Variants in CATSPER2 observed in about 807,000 individuals in gnomAD.
CATSPER2 encodes cation channel sperm-associated protein 2.
Under a neutral mutation model 68.8 loss-of-function variants are expected in CATSPER2, and 56 were observed. The observed-to-expected ratio is 0.81, with a 90% CI of 0.66 to 1.02. The LOEUF is 1.02. CATSPER2 is among the 50% of genes least tolerant of loss of function. The pLI, the probability that CATSPER2 is intolerant of heterozygous loss-of-function variation, is 0.00. For missense variants in CATSPER2, 582 were observed against 642.0 expected (o/e 0.91, Z 1.01); for synonymous variants, 198 against 229.9 (o/e 0.86, Z 1.26).
chr15:43,632,807 T>C lies in CATSPER2; in HGVS notation c.1306A>G (p.Lys436Glu). 6.2e-7 allele frequency: 1 copy of C among 1,613,762 alleles called. No individual in the cohort carries two copies. Among genetic ancestry groups the C allele is most frequent in the Non-Finnish European group, 8.5e-7 (1 of 1,179,820 alleles). ...GAGGAAGACTGGTACTCTCTCTTTT[T>C]TGACAAGGTCTCTTCTGTTTTTGAT... Reference protein sequence around the residue: ...SASKTEETLSKKREYQSSSCV... With the variant: ...SASKTEETLSEKREYQSSSCV... Residue 436 changes from lysine to glutamate, a missense_variant, in exon 11 of 13, where the codon AAA becomes GAA. Physicochemically the swap from Lys to Glu is moderately conservative, Grantham distance 56 (BLOSUM62 1). Around this residue, in one of 5 missense-constraint regions of CATSPER2, gnomAD observed 235 missense variants for 264.2 expected, o/e 0.89. Transcript: ENST00000396879.
At chr15:43,634,668 C>G (rs2085933266) in intron 10 of CATSPER2, 1 of 152,798 alleles carries the variant, frequency 6.5e-6, no homozygotes, top group Non-Finnish European at 1.5e-5. Flanking sequence ...TATAATCCAC[C>G]TCATCTAGCC....
chr15:43,635,289 T>A, intron 10 of CATSPER2, 71 bp downstream of exon 10: 2 of 1,335,330 alleles, frequency 1.5e-6, no homozygotes, highest in Non-Finnish European at 2.1e-6. Context: ...TCAAAGCCAA[T>A]CTTCATCTTT....
At chr15:43,643,462 G>A (rs1325986641) in intron 4 of CATSPER2, among the ~76,000 whole-genome samples, 2 of 151,210 alleles carry the variant, frequency 1.3e-5, no homozygotes, top group South Asian at 2.1e-4. Context: ...CTCAGCCTCC[G>A]GAGAAACTGG....
At chr15:43,632,653 G>A (rs1567125370) in intron 11 of CATSPER2, 64 bp downstream of exon 11, 3 of 1,609,044 alleles carry the variant, frequency 1.9e-6, no homozygotes, top group Non-Finnish European at 1.7e-6. Flanking sequence ...TTAAGACTAA[G>A]ATGTCTTAAA....
At chr15:43,644,533 A>G (rs867892452) in intron 4 of CATSPER2, among the ~76,000 whole-genome samples, 19 of 152,054 alleles carry the variant, frequency 1.2e-4, no homozygotes, top group Middle Eastern at 6.8e-3. Context: ...GTACCAGTCC[A>G]TGGTCTGTTA....
chr15:43,633,709 T>G (rs1368686217), intron 10 of CATSPER2: 1 of 151,668 alleles, frequency 6.6e-6, no homozygotes, highest in African/African-American at 2.4e-5. Context: ...TTTTGGAGGC[T>G]GAGGCGGGTG....
At chr15:43,633,091 A>G (rs1364407902) in intron 10 of CATSPER2, 157 bp from the exon 11 acceptor site, 9 of 859,764 alleles carry the variant, frequency 1.0e-5, no homozygotes, top group East Asian at 2.7e-5. Context: ...TCCAACCTCA[A>G]TCATTCATGT....
At chr15:43,638,286 CTTTTTTTTT>C (rs71460446) in intron 7 of CATSPER2, among the ~76,000 whole-genome samples, 1 of 81,866 alleles carries the variant, frequency 1.2e-5, no homozygotes, top group Admixed American at 1.4e-4. Flanking sequence ...TTCTTTCTTT[CTTTTTTTTT>C]TTTTTTTTTT....
chr15:43,647,721 T>C (rs559959019), intron 2 of CATSPER2, among the ~76,000 whole-genome samples, 196 bp downstream of exon 2: 22 of 152,138 alleles, frequency 1.4e-4, no homozygotes, highest in African/African-American at 5.3e-4. Flanking sequence ...CTCTTCCCAA[T>C]CATCCATGGC....
At chr15:43,630,979 TA>T (rs1789612608) in intron 12 of CATSPER2, among the ~76,000 whole-genome samples, 1 of 152,014 alleles carries the variant, frequency 6.6e-6, no homozygotes, top group African/African-American at 2.4e-5. Context: ...AAGTCAGGGC[TA>T]AGAATGACTA....
chr15:43,632,488 G>A (rs2085892200), intron 11 of CATSPER2, 125 bp from the exon 12 acceptor site: 1 of 1,413,768 alleles, frequency 7.1e-7, no homozygotes, highest in South Asian at 1.2e-5. Flanking sequence ...AGGAGGGAAA[G>A]GGTGCATCAG....
Position 43,630,670 on chromosome 15 carries a change from G to A in CATSPER2, c.*31C>T. On this transcript the variant is annotated 3_prime_UTR_variant, in exon 13 of 13. Coordinates refer to ENST00000396879, the MANE Select transcript of CATSPER2 (RefSeq NM_172095.4). ...ACAATTCCCTTCATTATCTTTTGCT[G>A]GGCCCAAGGATATTGAAGCCATCCA... The A allele has an allele frequency of 1.9e-6, 3 of 1,609,880 alleles. No homozygotes were observed. Among genetic ancestry groups the A allele is most frequent in the Non-Finnish European group, 2.5e-6 (3 of 1,178,634 alleles).
chr15:43,640,948 C>A (rs1221542506), intron 4 of CATSPER2, among the ~76,000 whole-genome samples: 1 of 151,414 alleles, frequency 6.6e-6, no homozygotes, highest in East Asian at 1.9e-4. Context: ...AAACAAGCCA[C>A]AATCATTAGG....
Position 43,648,803 on chromosome 15 carries a change from G to A in CATSPER2, c.-177C>T, listed in dbSNP as rs1174053704. The stretch of plus-strand genomic sequence containing the variant: ...CAGGTTTCGGCTCACCCCGGGACCC[G>A]GCCCTAGCCCCTACCCACAGCCCAG... On this transcript the variant is annotated 5_prime_UTR_variant, in exon 1 of 13. Coordinates refer to ENST00000396879, the MANE Select transcript of CATSPER2 (RefSeq NM_172095.4). The A allele has an allele frequency of 8.5e-6, 13 of 1,530,568 alleles. 1 individual carries two copies. The highest frequency in any genetic ancestry group is 2.4e-5 in the South Asian group (2 of 83,474). The allele number at this position is 1,530,568 out of a possible 1,614,324, so 94.8% of individuals were successfully genotyped here.
chr15:43,632,082 T>C, intron 12 of CATSPER2, 117 bp downstream of exon 12: 1 of 1,157,898 alleles, frequency 8.6e-7, no homozygotes. Context: ...CTATTTTAGT[T>C]GTAGGCAGAA....
Position 43,635,836 on chromosome 15 carries a change from A to G in CATSPER2, c.1022-10T>C. ...TTCTGAAAGTTAGTAACTGCCCCAA[A>G]GGGCCATTAGGAGCTGGGAGATGGT... is the stretch of plus-strand genomic sequence containing the variant. On this transcript the variant is annotated splice_polypyrimidine_tract_variant and intron_variant, in intron 8 of 12. Coordinates refer to ENST00000396879, the MANE Select transcript of CATSPER2 (RefSeq NM_172095.4). The G allele has an allele frequency of 6.2e-7, 1 of 1,609,978 alleles. No homozygotes were observed. Among genetic ancestry groups the G allele is most frequent in the Non-Finnish European group, 8.5e-7 (1 of 1,177,092 alleles).
At chr15:43,634,294 TCA>T (rs1279470238) in intron 10 of CATSPER2, 2 of 151,654 alleles carry the variant, frequency 1.3e-5, no homozygotes, top group Non-Finnish European at 2.9e-5. Flanking sequence ...CAATCACGGC[TCA>T]CCACAGCCTC....
At chr15:43,632,142 A>C in intron 12 of CATSPER2, 57 bp downstream of exon 12, 1 of 1,572,734 alleles carries the variant, frequency 6.4e-7, no homozygotes, top group Non-Finnish European at 8.7e-7. Flanking sequence ...CCTTCTCCAC[A>C]GCTATAAACG....
At position 43,635,800 on chromosome 15, in the gene CATSPER2, C is replaced by A; in HGVS notation, c.1048G>T (p.Glu350Ter). Residue 350 changes from glutamate (E) to a stop codon, truncating the protein, a stop_gained, in exon 9 of 13, where the codon GAG (glutamate) becomes TAG (stop). Transcript: ENST00000396879. LOFTEE classifies it high-confidence loss of function. ...CGACGCGCCATCTCCTCATTCAGCT[C>A]TTTCCTGATATTCTGAAAGTTAGTA... ...MVTNFQNIRK[E>*]LNEEMARREV... is the part of the protein sequence containing the mutation. The A allele has an allele frequency of 6.2e-7, 1 of 1,613,514 alleles. No individual in the cohort carries two copies.
Sources: allele counts gnomAD v4.1 joint callset (sites outside exome capture counted in the v4.1 genomes callset), GRCh38; gene constraint gnomAD v4.1.1; regional missense constraint gnomAD v4.1.1; transcripts MANE v1.5; gene names NCBI Gene and HGNC (gene_info 2026-07-23, HGNC 2026-07-21).